SLC8A3: variants seen among roughly 807,000 people sequenced by gnomAD.
The protein encoded by SLC8A3 is sodium/calcium exchanger 3.
In SLC8A3, 37 loss-of-function variants were observed where a neutral mutation model predicts 65.4. The ratio of observed to expected loss-of-function variants is 0.57; its 90% CI spans 0.44 to 0.74. The LOEUF is 0.74. Ranked by LOEUF, SLC8A3 falls within the 30% of genes least tolerant of loss-of-function variation. The pLI, the probability that SLC8A3 is intolerant of heterozygous loss-of-function variation, is 0.00. For missense variants in SLC8A3, 1,112 were observed against 1,172.1 expected (o/e 0.95, Z 0.75); for synonymous variants, 461 against 444.5 (o/e 1.04, Z -0.47).
chr14:70,098,092 C>T (rs1046022326), intron 2 of SLC8A3, among the ~76,000 whole-genome samples: 2 of 152,120 alleles, frequency 1.3e-5, no homozygotes, highest in Admixed American at 1.3e-4. Context: ...TAAGTGTCAC[C>T]CTGGCTGGGC....
At chr14:70,084,034 GCA>G (rs1385005469) in intron 2 of SLC8A3, among the ~76,000 whole-genome samples, 2 of 152,222 alleles carry the variant, frequency 1.3e-5, no homozygotes, top group Non-Finnish European at 2.9e-5. Context: ...ATTGGGAAAA[GCA>G]CCTTTTTAAG....
intron 2 of SLC8A3, among the ~76,000 whole-genome samples, chr14:70,105,277 C>T (rs948156294): frequency 5.9e-5 from 9 of 151,864 alleles, no homozygotes; most frequent in African/African-American, 1.9e-4. Flanking sequence ...TGCAGTGAGC[C>T]GAGATCGAGC....
chr14:70,140,051 A>G (rs1895464968), intron 2 of SLC8A3, among the ~76,000 whole-genome samples: 1 of 152,198 alleles, frequency 6.6e-6, no homozygotes, highest in Non-Finnish European at 1.5e-5. Context: ...AAAAATTGCA[A>G]TTATTTTTAT....
intron 2 of SLC8A3, among the ~76,000 whole-genome samples, chr14:70,123,548 C>G (rs1263039872): frequency 6.6e-6 from 1 of 151,118 alleles, no homozygotes; most frequent in Non-Finnish European, 1.5e-5. Flanking sequence ...CTCCTGGGTT[C>G]AAGCAATTCT....
chr14:70,097,921 C>T (rs1427753801), intron 2 of SLC8A3, among the ~76,000 whole-genome samples: 2 of 147,708 alleles, frequency 1.4e-5, no homozygotes, highest in Non-Finnish European at 1.5e-5. Context: ...CTTTCTCTGA[C>T]CCCCTAGATC....
chr14:70,173,827 C>G (rs1024991954), intron 1 of SLC8A3, among the ~76,000 whole-genome samples: 6 of 152,138 alleles, frequency 3.9e-5, no homozygotes, highest in African/African-American at 1.4e-4. Flanking sequence ...CAATACTCCT[C>G]GAGAGACACA....
At chr14:70,065,385 T>C (rs534872137) in intron 2 of SLC8A3, among the ~76,000 whole-genome samples, 2 of 152,144 alleles carry the variant, frequency 1.3e-5, no homozygotes, top group Admixed American at 1.3e-4. Flanking sequence ...CAAACCCTCA[T>C]CACTTGCCAC....
chr14:70,152,413 G>T (rs1008378097), intron 2 of SLC8A3, among the ~76,000 whole-genome samples: 12 of 152,094 alleles, frequency 7.9e-5, no homozygotes, highest in African/African-American at 2.9e-4. Context: ...TTCAAATGAT[G>T]AATTTGCAGG....
chr14:70,062,684 C>G (rs766605506), intron 2 of SLC8A3, among the ~76,000 whole-genome samples: 1 of 152,138 alleles, frequency 6.6e-6, no homozygotes, highest in Non-Finnish European at 1.5e-5. Context: ...TTTTTATTAC[C>G]TTTTTGGGTA....
In SLC8A3 at chr14:70,044,246, T is replaced by A. The variant is rs1420927327; in HGVS notation, c.*1701A>T. On this transcript the variant is annotated 3_prime_UTR_variant, in exon 7 of 7. Transcript: ENST00000356921. ...TAGAGAGATATAGTATAGCTTTTAT[T>A]TTTTTTTTGAACCAACCCAACATTT... 6.6e-6 allele frequency: 1 copy of A among 151,292 alleles called. No individual in the cohort carries two copies. The highest frequency in any genetic ancestry group is 2.4e-5 in the African/African-American group (1 of 41,242). 9.4% of individuals were successfully genotyped at this position (151,292 alleles called of 1,614,324 possible).
Position 70,150,594 on chromosome 14 carries a change from T to C in SLC8A3, c.1784+16045A>G, listed in dbSNP as rs559509915. Among the ~76,000 whole-genome samples, 2 of 152,218 alleles carry C rather than the reference T, an allele frequency of 1.3e-5. 1 individual carries two copies. The highest frequency in any genetic ancestry group is 4.1e-4 in the South Asian group (2 of 4,828). The stretch of plus-strand genomic sequence containing the variant: ...CCTCCTACCCTCCCATCACCGCTGC[T>C]CTCCTCTTGTCACAGACAGCCATAG... On this transcript the variant is annotated intron_variant, in intron 2 of 6. Transcript: ENST00000356921.
intron 2 of SLC8A3, among the ~76,000 whole-genome samples, chr14:70,103,148 C>T (rs1378239535): frequency 6.6e-6 from 1 of 151,850 alleles, no homozygotes; most frequent in East Asian, 1.9e-4. Context: ...GACAATGAAA[C>T]CCAAGAGTAT....
At chr14:70,105,165 T>C (rs1286840863) in intron 2 of SLC8A3, among the ~76,000 whole-genome samples, 1 of 152,030 alleles carries the variant, frequency 6.6e-6, no homozygotes, top group Admixed American at 6.5e-5. Flanking sequence ...CCGTCTCTAC[T>C]AAAAATACAA....
intron 2 of SLC8A3, among the ~76,000 whole-genome samples, chr14:70,112,807 C>A (rs146732023): frequency 6.6e-6 from 1 of 152,172 alleles, no homozygotes; most frequent in African/African-American, 2.4e-5. Flanking sequence ...TGGCTCCTGG[C>A]AATCCTTGGT....
intron 2 of SLC8A3, among the ~76,000 whole-genome samples, chr14:70,129,877 CA>C (rs1223946009): frequency 6.6e-6 from 1 of 152,190 alleles, no homozygotes; most frequent in Non-Finnish European, 1.5e-5. Context: ...TAGCTCAATT[CA>C]AAAGATATTT....
chr14:70,076,947 A>G (rs545279229), intron 2 of SLC8A3, among the ~76,000 whole-genome samples: 3 of 152,316 alleles, frequency 2.0e-5, no homozygotes, highest in East Asian at 3.9e-4. Flanking sequence ...CCGAATCTCT[A>G]TGAGCCTCAG....
intron 2 of SLC8A3, among the ~76,000 whole-genome samples, chr14:70,158,952 T>C (rs1473714565): frequency 6.6e-6 from 1 of 152,220 alleles, no homozygotes; most frequent in African/African-American, 2.4e-5. Context: ...TCTTGCAAAA[T>C]GCTTCTAGAA....
At chr14:70,144,351 C>CA in intron 2 of SLC8A3, among the ~76,000 whole-genome samples, 1 of 123,346 alleles carries the variant, frequency 8.1e-6, no homozygotes, top group African/African-American at 3.1e-5. Flanking sequence ...AAAAAAAAGG[C>CA]CAGGCACAGT....
At chr14:70,123,646 C>T (rs920212509) in intron 2 of SLC8A3, among the ~76,000 whole-genome samples, 5 of 152,100 alleles carry the variant, frequency 3.3e-5, no homozygotes, top group African/African-American at 1.2e-4. Flanking sequence ...GACAGGGTTT[C>T]ACCACGTTGG....
Sources: allele counts gnomAD v4.1 joint callset (sites outside exome capture counted in the v4.1 genomes callset), GRCh38; gene constraint gnomAD v4.1.1; transcripts MANE v1.5; gene names NCBI Gene and HGNC (gene_info 2026-07-23, HGNC 2026-07-21).